SPIDR: variants seen among roughly 807,000 people sequenced by gnomAD.
SPIDR encodes DNA repair-scaffolding protein.
Under a neutral mutation model 104.6 loss-of-function variants are expected in SPIDR, and 93 were observed. That is an observed-to-expected ratio of 0.89 (90% CI 0.75 to 1.06). SPIDR has a LOEUF of 1.06. SPIDR is among the 50% of genes least tolerant of loss of function. SPIDR has a pLI of 0.00. For synonymous variants in SPIDR, 431 were observed against 416.9 expected (o/e 1.03, Z -0.41); for missense variants, 1,154 against 1,111.2 (o/e 1.04, Z -0.55).
rs201141898 is a variant in SPIDR, at chr8:47,662,720, T to C, written c.1545-11081T>C. Among the ~76,000 whole-genome samples, 5 of 152,272 alleles carry C rather than the reference T, an allele frequency of 3.3e-5. No individual in the cohort carries two copies. The East Asian group carries it at 9.6e-4, about 29-fold the overall frequency. ...CTTTCCTCTTATCCCTGCTTTCTCC[T>C]ATTGCTATGGTCTGAATGTTTGCAT... On this transcript the variant is annotated intron_variant, in intron 10 of 19. Transcript: ENST00000297423.
intron 5 of SPIDR, among the ~76,000 whole-genome samples, chr8:47,349,781 G>A (rs542284759): frequency 4.1e-4 from 62 of 152,362 alleles, no homozygotes; most frequent in South Asian, 3.7e-3. Context: ...TGAGCCCGGC[G>A]CGGGATGTAA....
At chr8:47,391,920 T>C (rs1278373965) in intron 5 of SPIDR, among the ~76,000 whole-genome samples, 36 of 142,774 alleles carry the variant, frequency 2.5e-4, no homozygotes, top group African/African-American at 9.3e-4. Context: ...GGCGTGAACC[T>C]GGGAGGCGGA....
chr8:47,570,549 A>G (rs1416809411), intron 8 of SPIDR, among the ~76,000 whole-genome samples: 4 of 152,228 alleles, frequency 2.6e-5, no homozygotes, highest in Non-Finnish European at 4.4e-5. Context: ...ATAAAAGGAA[A>G]AAAATATTGC....
At chr8:47,630,462 G>A (rs1317291473) in intron 10 of SPIDR, among the ~76,000 whole-genome samples, 1 of 152,132 alleles carries the variant, frequency 6.6e-6, no homozygotes, top group African/African-American at 2.4e-5. Flanking sequence ...AGTACTGAGT[G>A]GACAGAATAA....
intron 9 of SPIDR, among the ~76,000 whole-genome samples, chr8:47,598,466 C>T (rs369431125): frequency 3.4e-4 from 52 of 152,266 alleles, no homozygotes; most frequent in Middle Eastern, 3.4e-3. Flanking sequence ...GCTGATACTA[C>T]GTAAGGGGTT....
At chr8:47,607,301 T>C (rs1303561684) in intron 10 of SPIDR, among the ~76,000 whole-genome samples, 1 of 152,212 alleles carries the variant, frequency 6.6e-6, no homozygotes, top group Non-Finnish European at 1.5e-5. Context: ...AAATCATCCC[T>C]TAATTAATTA....
intron 8 of SPIDR, among the ~76,000 whole-genome samples, chr8:47,589,895 C>T (rs542443765): frequency 6.6e-5 from 10 of 152,056 alleles, no homozygotes; most frequent in South Asian, 2.1e-4. Flanking sequence ...CAGCTGGGTA[C>T]GGTGACTCAC....
At chr8:47,313,643 C>T (rs904145868) in intron 5 of SPIDR, among the ~76,000 whole-genome samples, 9 of 152,162 alleles carry the variant, frequency 5.9e-5, no homozygotes, top group South Asian at 2.1e-4. Flanking sequence ...GGAGGCATCA[C>T]GCTACCTGAC....
intron 5 of SPIDR, among the ~76,000 whole-genome samples, chr8:47,307,624 T>C (rs1365887010): frequency 1.4e-5 from 2 of 143,582 alleles, no homozygotes; most frequent in African/African-American, 2.6e-5. Context: ...CTACAACCTC[T>C]GCCTCCCGGG....
rs1013620006 is a variant in SPIDR at position 47,319,661 on chromosome 8, C to T, written c.525+25631C>T. ...ATATACATTCTTCTCAGCACCACAC[C>T]GCACTTATTCCAAAATTGACCACAT... On this transcript the variant is annotated intron_variant, in intron 5 of 19. Coordinates refer to ENST00000297423, the MANE Select transcript of SPIDR (RefSeq NM_001080394.4). 3.3e-5 allele frequency among the ~76,000 whole-genome samples: 5 copies of T among 152,246 alleles called. No individual in the cohort carries two copies. The South Asian group carries it at 8.3e-4, about 25-fold the overall frequency.
intron 16 of SPIDR, 25 bp downstream of exon 16, chr8:47,713,666 G>A (rs2082178997): frequency 3.1e-6 from 5 of 1,613,098 alleles, no homozygotes; most frequent in South Asian, 1.1e-5. Context: ...CACAGGAATT[G>A]GTGCTTATAC....
chr8:47,302,271 C>T (rs2042224393), intron 5 of SPIDR, among the ~76,000 whole-genome samples: 2 of 152,152 alleles, frequency 1.3e-5, no homozygotes, highest in Admixed American at 1.3e-4. Flanking sequence ...TCACGTAGTT[C>T]TCGTGCTGTG....
At position 47,535,660 on chromosome 8, in the gene SPIDR, G is replaced by C. The variant is rs1359367616; in HGVS notation, c.1098-60151G>C. On this transcript the variant is annotated intron_variant, in intron 8 of 19. Coordinates refer to ENST00000297423, the MANE Select transcript of SPIDR (RefSeq NM_001080394.4). The stretch of plus-strand genomic sequence containing the variant: ...ATGAATAGATGGAAGAAAAGGATTC[G>C]ACAAAATCCAACACCCATTTTTTGA... Among the ~76,000 whole-genome samples, 5 of 152,044 alleles carry C rather than the reference G, an allele frequency of 3.3e-5. No homozygotes were observed. In the East Asian group the frequency reaches 5.8e-4, roughly 18 times the overall value.
intron 10 of SPIDR, among the ~76,000 whole-genome samples, chr8:47,639,161 G>A (rs2068437294): frequency 6.6e-6 from 1 of 152,192 alleles, no homozygotes; most frequent in Non-Finnish European, 1.5e-5. Flanking sequence ...TCTAGTTATG[G>A]TTGTCTTTGG....
chr8:47,435,490 C>A (rs2068125606), intron 7 of SPIDR, among the ~76,000 whole-genome samples: 1 of 152,174 alleles, frequency 6.6e-6, no homozygotes, highest in South Asian at 2.1e-4. Context: ...AATTATGTTT[C>A]ATCTGCTAGG....
intron 8 of SPIDR, among the ~76,000 whole-genome samples, chr8:47,514,678 T>C (rs72646348): frequency 0.05 from 7,622 of 152,144 alleles, 221 homozygotes; most frequent in Middle Eastern, 0.071. Context: ...ACATAAAAAA[T>C]AGAAATCAGA....
chr8:47,399,063 G>A (rs1181542215), intron 6 of SPIDR, among the ~76,000 whole-genome samples: 1 of 152,222 alleles, frequency 6.6e-6, no homozygotes, highest in Non-Finnish European at 1.5e-5. Context: ...GAGAAGTTTT[G>A]CTTTAAGGAG....
intron 16 of SPIDR, among the ~76,000 whole-genome samples, chr8:47,718,246 C>G (rs1480987387): frequency 6.6e-6 from 1 of 152,212 alleles, no homozygotes; most frequent in East Asian, 1.9e-4. Flanking sequence ...ATACGGAGAT[C>G]AAACACACAT....
At chr8:47,710,314 G>A (rs2081668099) in intron 14 of SPIDR, among the ~76,000 whole-genome samples, 1 of 152,018 alleles carries the variant, frequency 6.6e-6, no homozygotes, top group Non-Finnish European at 1.5e-5. Flanking sequence ...TAATTTCAAA[G>A]GAGATTAGAA....
Sources: allele counts gnomAD v4.1 joint callset (sites outside exome capture counted in the v4.1 genomes callset), GRCh38; gene constraint gnomAD v4.1.1; transcripts MANE v1.5; gene names NCBI Gene and HGNC (gene_info 2026-07-23, HGNC 2026-07-21).